Variants in PADI4 observed in about 807,000 individuals in gnomAD.
PADI4 encodes the protein peptidyl arginine deiminase 4.
In PADI4, 62 loss-of-function variants were observed where a neutral mutation model predicts 75.0. The ratio of observed to expected loss-of-function variants is 0.83; its 90% CI spans 0.67 to 1.02. PADI4 has a LOEUF of 1.02. PADI4 is among the 50% of genes least tolerant of loss of function. The probability of loss-of-function intolerance (pLI) is 0.00; values close to 1 mark genes in which losing one functional copy is unlikely to be tolerated. For missense variants in PADI4, 845 were observed against 850.5 expected, an observed-to-expected ratio of 0.99 and a Z score of 0.08; for synonymous variants, 361 against 348.1, an observed-to-expected ratio of 1.04 and a Z score of -0.41.
rs2074381721 is a variant in PADI4, at chr1:17,339,757, T to G, written c.596T>G (p.Leu199Arg). ...AAGGACTTCTTCACAAACCATACACTGGTGCTCCACGTGGCCAGGTCTGAG... is the reference window on the plus strand; with the variant it reads ...AAGGACTTCTTCACAAACCATACACGGGTGCTCCACGTGGCCAGGTCTGAG... ...TPKDFFTNHTLVLHVARSEMD... is the reference protein window; with the variant it reads ...TPKDFFTNHTRVLHVARSEMD... Residue 199 changes from leucine (L) to arginine (R), a missense_variant, in exon 6 of 16, where the codon CTG (leucine) becomes CGG (arginine). Physicochemically the swap from Leu to Arg is moderately radical, Grantham distance 102 (BLOSUM62 -2). Transcript: ENST00000375448. 6.2e-7 allele frequency: 1 copy of G among 1,613,886 alleles called. No homozygotes were observed. Among genetic ancestry groups the G allele is most frequent in the Admixed American group, 1.7e-5 (1 of 59,988 alleles).
In PADI4 at chr1:17,363,540, G is replaced by C. The variant is rs775940963; in HGVS notation, c.1777G>C (p.Gly593Arg). ...FPNMVNMLVL[G>R]KHLGIPKPFG... ...CCTGCAGGTGAACATGCTGGTGCTA[G>C]GGAAGCACCTGGGCATCCCCAAGCC... Residue 593 changes from glycine (G) to arginine (R), a missense_variant, in exon 16 of 16, where the codon GGG (glycine) becomes CGG (arginine). Coordinates refer to ENST00000375448, the MANE Select transcript of PADI4 (RefSeq NM_012387.3). The C allele has an allele frequency of 6.2e-7, 1 of 1,612,722 alleles. No homozygotes were observed. The highest frequency in any genetic ancestry group is 1.1e-5 in the South Asian group (1 of 90,960).
intron 1 of PADI4, among the ~76,000 whole-genome samples, chr1:17,316,222 C>T (rs2073930616): frequency 6.6e-6 from 1 of 151,698 alleles, no homozygotes; most frequent in Non-Finnish European, 1.5e-5. Context: ...GGCGAAACCC[C>T]GTCTCTACTA....
intron 15 of PADI4, among the ~76,000 whole-genome samples, 174 bp from the exon 16 acceptor site, chr1:17,363,347 TC>T (rs2074872798): frequency 6.6e-6 from 1 of 152,024 alleles, no homozygotes; most frequent in East Asian, 1.9e-4. Flanking sequence ...GGTCTCAAAC[TC>T]TTGGGCTCAA....
chr1:17,348,946 C>G (rs1205804620), intron 10 of PADI4, among the ~76,000 whole-genome samples: 1 of 152,180 alleles, frequency 6.6e-6, no homozygotes, highest in Non-Finnish European at 1.5e-5. Flanking sequence ...GGCTTTCCGA[C>G]AAGCATCTGT....
intron 14 of PADI4, 63 bp from the exon 15 acceptor site, chr1:17,359,217 T>TTCCC: frequency 8.3e-5 from 54 of 647,810 alleles, no homozygotes; most frequent in South Asian, 2.4e-4. Flanking sequence ...CCCCACACTG[T>TTCCC]CCCCCACCCC....
intron 15 of PADI4, among the ~76,000 whole-genome samples, chr1:17,360,910 G>A (rs922898908): frequency 6.8e-5 from 10 of 147,482 alleles, no homozygotes; most frequent in South Asian, 2.1e-4. Flanking sequence ...TGTCTTGAGC[G>A]TTCACCGTGG....
In PADI4 at chr1:17,330,958, C is replaced by A; in HGVS notation, c.93-11C>A. 6.5e-7 allele frequency: 1 copy of A among 1,534,250 alleles called. No homozygotes were observed. Among genetic ancestry groups the A allele is most frequent in the Non-Finnish European group, 8.7e-7 (1 of 1,145,478 alleles). On this transcript the variant is annotated splice_polypyrimidine_tract_variant and intron_variant, in intron 1 of 15. Coordinates refer to ENST00000375448, the MANE Select transcript of PADI4 (RefSeq NM_012387.3). Reference sequence around the variant, plus strand: ...CTGCATCCTCTGCTTTCCCATGTGTCTTGTCCACAGCTCTGCCCCTGAGGA... The same window carrying A: ...CTGCATCCTCTGCTTTCCCATGTGTATTGTCCACAGCTCTGCCCCTGAGGA...
intron 2 of PADI4, among the ~76,000 whole-genome samples, chr1:17,332,604 G>A (rs558990599): frequency 3.3e-4 from 50 of 152,188 alleles, no homozygotes; most frequent in South Asian, 1.7e-3. Flanking sequence ...AAATCACATC[G>A]ACAAGTTCCA....
intron 1 of PADI4, among the ~76,000 whole-genome samples, chr1:17,309,924 G>C (rs1182638950): frequency 6.6e-6 from 1 of 152,172 alleles, no homozygotes; most frequent in Admixed American, 6.5e-5. Context: ...TCTACCCAGC[G>C]TCCATGAGTA....
intron 5 of PADI4, among the ~76,000 whole-genome samples, chr1:17,339,054 C>T (rs1381579401): frequency 2.0e-5 from 3 of 152,150 alleles, no homozygotes; most frequent in East Asian, 1.9e-4. Flanking sequence ...AACCATTCTA[C>T]GGTGGGTACA....
chr1:17,361,800 CAG>C (rs2074852029), intron 15 of PADI4, among the ~76,000 whole-genome samples: 2 of 152,200 alleles, frequency 1.3e-5, no homozygotes, highest in South Asian at 4.1e-4. Flanking sequence ...ATGGAGGAAG[CAG>C]AGTCATTTAC....
rs866034665 is a variant in PADI4, at chr1:17,328,990, T to C, written c.93-1979T>C. 2.1e-3 allele frequency among the ~76,000 whole-genome samples: 312 copies of C among 148,962 alleles called. 1 individual carries two copies. The highest frequency in any genetic ancestry group is 7.5e-3 in the African/African-American group (307 of 40,986). Reference sequence around the variant, plus strand: ...TCATCCAAAAATATCTATATTAAGATATTTTTATTATGATATTTATTAAGA... The same window carrying C: ...TCATCCAAAAATATCTATATTAAGACATTTTTATTATGATATTTATTAAGA... On this transcript the variant is annotated intron_variant, in intron 1 of 15. Coordinates refer to ENST00000375448, the MANE Select transcript of PADI4 (RefSeq NM_012387.3).
At chr1:17,325,133 A>G (rs1204895) in intron 1 of PADI4, among the ~76,000 whole-genome samples, 140,449 of 152,206 alleles carry the variant, frequency 0.92, 64,824 homozygotes, top group Middle Eastern at 0.98. Flanking sequence ...CAACTTGTCA[A>G]GTTCCATAAG....
chr1:17,354,767 C>A, intron 11 of PADI4, 80 bp downstream of exon 11: 1 of 1,355,970 alleles, frequency 7.4e-7, no homozygotes, highest in Non-Finnish European at 1.0e-6. Flanking sequence ...GGAAGCCTTG[C>A]CTTCCTGCTT....
Position 17,362,806 on chromosome 1 carries a change from G to C in PADI4, c.1759-716G>C, listed in dbSNP as rs1390197445. Among the ~76,000 whole-genome samples, 6 of 152,140 alleles carry C rather than the reference G, an allele frequency of 3.9e-5. No individual in the cohort carries two copies. The East Asian group carries it at 9.6e-4, about 24-fold the overall frequency. On this transcript the variant is annotated intron_variant, in intron 15 of 15. Transcript: ENST00000375448. The stretch of plus-strand genomic sequence containing the variant: ...CGTCTGGGTCTCAGTTTTCTCATTT[G>C]TAAAGTGGGGCTATTATTTTTATTT...
Position 17,363,926 on chromosome 1 carries a change from C to T in PADI4, c.*171C>T, listed in dbSNP as rs1033945073. ...TCCCAGTTTCCCACTCTGAAGATCC[C>T]AACATGGTCCTAGCACTGCACACTC... On this transcript the variant is annotated 3_prime_UTR_variant, in exon 16 of 16. Coordinates refer to ENST00000375448, the MANE Select transcript of PADI4 (RefSeq NM_012387.3). The T allele has an allele frequency of 5.0e-5, 29 of 584,832 alleles. No individual in the cohort carries two copies. In the Middle Eastern group the frequency reaches 1.8e-3, roughly 37 times the overall value. 36.2% of individuals were successfully genotyped at this position (584,832 alleles called of 1,614,324 possible). A position where few individuals can be genotyped will look rare whatever the true frequency, so the allele number is the denominator to read the frequency against.
rs568224348 is a variant in PADI4, at chr1:17,346,986, G to T, written c.1047+847G>T. 2.2e-4 allele frequency among the ~76,000 whole-genome samples: 33 copies of T among 151,748 alleles called. No homozygotes were observed. The highest frequency in any genetic ancestry group is 7.7e-4 in the African/African-American group (32 of 41,328). ...TTTTTTCACTCTTGTTGCCCAGGCT[G>T]GAGTGCAATGGCTCGATCTCGGCTC... On this transcript the variant is annotated intron_variant, in intron 9 of 15. Coordinates refer to ENST00000375448, the MANE Select transcript of PADI4 (RefSeq NM_012387.3). This position sits in a 1 kb window ranked among gnomAD's most constrained non-coding sequence, Gnocchi z 4.3.
intron 4 of PADI4, among the ~76,000 whole-genome samples, chr1:17,337,504 G>A (rs2074335145): frequency 1.3e-5 from 2 of 152,200 alleles, no homozygotes; most frequent in South Asian, 4.2e-4. Context: ...TTTTTTAAAT[G>A]GATGAATTGT....
intron 15 of PADI4, among the ~76,000 whole-genome samples, chr1:17,360,902 T>C (rs1242414742): frequency 6.7e-6 from 1 of 148,920 alleles, no homozygotes; most frequent in East Asian, 2.0e-4. Flanking sequence ...CCCACCTTTG[T>C]CTTGAGCGTT....
Sources: gnomAD v4.1 joint callset for allele counts (sites outside exome capture counted in the v4.1 genomes callset) on GRCh38, gnomAD v4.1.1 for gene constraint, Gnocchi (gnomAD v3.1) non-coding constraint, MANE v1.5 for transcripts, NCBI Gene and HGNC (gene_info 2026-07-23, HGNC 2026-07-21) for gene names.